The following CACNA1E variants were observed in gnomAD, a reference collection of about 807,000 sequenced individuals.
CACNA1E encodes calcium voltage-gated channel subunit alpha1 E.
CACNA1E carries 40 observed loss-of-function variants against 259.2 expected under a neutral mutation model. The ratio of observed to expected loss-of-function variants is 0.15; its 90% CI spans 0.12 to 0.20. CACNA1E has a LOEUF of 0.20. Ranked by LOEUF, CACNA1E falls within the 10% of genes least tolerant of loss-of-function variation. CACNA1E has a pLI of 1.00. For missense variants in CACNA1E, 1,874 were observed against 3,040.1 expected (o/e 0.62, Z 9.02); for synonymous variants, 1,104 against 1,138.5 (o/e 0.97, Z 0.61).
chr1:181,712,433 C>G (rs773782915), intron 8 of CACNA1E, among the ~76,000 whole-genome samples: 2 of 152,082 alleles, frequency 1.3e-5, no homozygotes, highest in African/African-American at 4.8e-5. Context: ...GTTGCTTGAG[C>G]CTTATTCTTC....
At chr1:181,470,041 C>T (rs1220243) in intron 2 of CACNA1E, among the ~76,000 whole-genome samples, 1 of 150,824 alleles carries the variant, frequency 6.6e-6, no homozygotes, top group Admixed American at 6.6e-5. Context: ...AAAAGATTTA[C>T]AGAGAGAGAG....
In CACNA1E at chr1:181,758,748, T is replaced by C. The variant is rs757530177; in HGVS notation, c.4495-10T>C. ...GTGATTCTTTCTCTCTTCTTTTTTC[T>C]TCCTGGCAGTATTATTCTGCTCCCT... is the stretch of plus-strand genomic sequence containing the variant. On this transcript the variant is annotated splice_polypyrimidine_tract_variant and intron_variant, in intron 31 of 47. Coordinates refer to ENST00000367573, the MANE Select transcript of CACNA1E (RefSeq NM_001205293.3). This position sits in a 1 kb window ranked among gnomAD's most constrained non-coding sequence, Gnocchi z 4.2. The C allele has an allele frequency of 7.6e-6, 11 of 1,445,586 alleles. No individual in the cohort carries two copies. In the Admixed American group the frequency reaches 1.4e-4, roughly 18 times the overall value. The allele number at this position is 1,445,586 out of a possible 1,614,324, so 89.5% of individuals were successfully genotyped here.
At position 181,510,478 on chromosome 1, in the gene CACNA1E, C is replaced by T; in HGVS notation, c.268C>T (p.Pro90Ser). 6.2e-7 allele frequency: 1 copy of T among 1,611,980 alleles called. No individual in the cohort carries two copies. The highest frequency in any genetic ancestry group is 2.2e-5 in the East Asian group (1 of 44,860). ...TGTTCCTTAACTCCGCTTTCCCACGCCATTTGAGTACATGATCCTGGCCAC... is the reference window on the plus strand; with the variant it reads ...TGTTCCTTAACTCCGCTTTCCCACGTCATTTGAGTACATGATCCTGGCCAC... ...KYAKKLIDWP[P>S]FEYMILATII... Residue 90 changes from proline (P) to serine (S), a missense_variant and splice_region_variant, in exon 2 of 48, where the codon CCA (proline) becomes TCA (serine). Around this residue, in one of 14 missense-constraint regions of CACNA1E, gnomAD observed 110 missense variants for 122.8 expected, o/e 0.90. Coordinates refer to ENST00000367573, the MANE Select transcript of CACNA1E (RefSeq NM_001205293.3).
intron 2 of CACNA1E, among the ~76,000 whole-genome samples, chr1:181,420,308 T>C (rs1447234994): frequency 6.6e-6 from 1 of 152,204 alleles, no homozygotes; most frequent in Non-Finnish European, 1.5e-5. Flanking sequence ...GCAGATTTTC[T>C]TGTACAGAAT....
chr1:181,326,528 C>G lies in CACNA1E; in HGVS notation c.-15+8405C>G, dbSNP rs893079588. ...GGTTAGCTCTGGCTGAGTTCCTCCT[C>G]CAGATGGGACTGAGTGACTGATCCT... On this transcript the variant is annotated intron_variant, in intron 1 of 11. Transcript: ENST00000524607. Among the ~76,000 whole-genome samples the G allele has an allele frequency of 2.0e-5, 3 of 152,140 alleles. No homozygotes were observed. The East Asian group carries it at 5.8e-4, about 29-fold the overall frequency.
At chr1:181,472,425 T>C (rs1662568839) in intron 2 of CACNA1E, among the ~76,000 whole-genome samples, 2 of 152,256 alleles carry the variant, frequency 1.3e-5, no homozygotes, top group African/African-American at 2.4e-5. Context: ...TGGATGTTAA[T>C]CTTCTTCACT....
intron 3 of CACNA1E, among the ~76,000 whole-genome samples, chr1:181,544,663 T>G (rs1381820718): frequency 6.6e-6 from 1 of 152,158 alleles, no homozygotes; most frequent in Non-Finnish European, 1.5e-5. Flanking sequence ...CTTCTCCCCC[T>G]CCTTCATTCC....
chr1:181,558,151 A>C (rs1209981090), intron 3 of CACNA1E, among the ~76,000 whole-genome samples: 1 of 152,196 alleles, frequency 6.6e-6, no homozygotes, highest in Non-Finnish European at 1.5e-5. Context: ...TTGAAGCTAC[A>C]CTAAGAGAGG....
chr1:181,545,325 C>T (rs1647328111), intron 3 of CACNA1E, among the ~76,000 whole-genome samples: 1 of 152,158 alleles, frequency 6.6e-6, no homozygotes, highest in Admixed American at 6.5e-5. Flanking sequence ...TATCTTTTGC[C>T]TTATTTTTTG....
intron 7 of CACNA1E, among the ~76,000 whole-genome samples, chr1:181,693,942 C>T (rs886634842): frequency 8.5e-5 from 13 of 152,096 alleles, no homozygotes; most frequent in African/African-American, 1.7e-4. Context: ...TTCTACCAAA[C>T]GTTAAGGAAG....
intron 2 of CACNA1E, among the ~76,000 whole-genome samples, chr1:181,461,540 C>CAA (rs10607931): frequency 6.2e-4 from 51 of 81,930 alleles, no homozygotes; most frequent in Middle Eastern, 5.9e-3. Flanking sequence ...GACTCCATCT[C>CAA]AAAAAAAAAA....
chr1:181,344,802 T>A (rs568877899), intron 1 of CACNA1E, among the ~76,000 whole-genome samples: 1 of 152,346 alleles, frequency 6.6e-6, no homozygotes, highest in Non-Finnish European at 1.5e-5. Context: ...GCCATCGGCC[T>A]GGGAACCTGA....
rs527582115 is a variant in CACNA1E, at chr1:181,721,423, C to G, written c.1957-335C>G. 9.2e-5 allele frequency among the ~76,000 whole-genome samples: 14 copies of G among 152,230 alleles called. No individual in the cohort carries two copies. The South Asian group carries it at 2.9e-3, about 32-fold the overall frequency. The stretch of plus-strand genomic sequence containing the variant: ...TTCCAGACCCTGTATCTGGGCAGCT[C>G]TGAGGACAGTTAGGTAATGACCAGA... On this transcript the variant is annotated intron_variant, in intron 15 of 47. Coordinates refer to ENST00000367573, the MANE Select transcript of CACNA1E (RefSeq NM_001205293.3).
rs889730520 is a variant in CACNA1E, at chr1:181,807,175, T to A, written c.*8341T>A. 2 of 148,894 alleles carry A rather than the reference T, an allele frequency of 1.3e-5. No homozygotes were observed. Among genetic ancestry groups the A allele is most frequent in the African/African-American group, 4.9e-5 (2 of 40,848 alleles). The allele number at this position is 148,894 out of a possible 1,614,324, so 9.2% of individuals were successfully genotyped here. Reference sequence around the variant, plus strand: ...AAAATGTTCTCTGCCTTGGATAACATTTTTTTTTAAAGATTCCATACAAAC... The same window carrying A: ...AAAATGTTCTCTGCCTTGGATAACAATTTTTTTTAAAGATTCCATACAAAC... On this transcript the variant is annotated 3_prime_UTR_variant, in exon 48 of 48. Transcript: ENST00000367573.
intron 3 of CACNA1E, among the ~76,000 whole-genome samples, chr1:181,547,341 T>A (rs1180537482): frequency 6.6e-6 from 1 of 152,226 alleles, no homozygotes; most frequent in Non-Finnish European, 1.5e-5. Flanking sequence ...CCTGTCGCTT[T>A]GGATTTCTCA....
At chr1:181,414,006 T>C (rs1040863627) in intron 2 of CACNA1E, among the ~76,000 whole-genome samples, 1 of 152,236 alleles carries the variant, frequency 6.6e-6, no homozygotes, top group Non-Finnish European at 1.5e-5. Context: ...CTTGGATGAA[T>C]GATTACATTT....
At chr1:181,453,088 G>C (rs1233815131) in intron 2 of CACNA1E, among the ~76,000 whole-genome samples, 1 of 152,192 alleles carries the variant, frequency 6.6e-6, no homozygotes, top group Non-Finnish European at 1.5e-5. Flanking sequence ...CAAGTAGTTG[G>C]ATCTAATAAT....
intron 1 of CACNA1E, 38 bp downstream of exon 1, chr1:181,484,048 T>G: frequency 6.3e-7 from 1 of 1,593,032 alleles, no homozygotes; most frequent in Non-Finnish European, 8.6e-7. Flanking sequence ...CTCTCCCCCT[T>G]TGCATTTCTT....
intron 33 of CACNA1E, among the ~76,000 whole-genome samples, chr1:181,762,976 C>A (rs2102720460): frequency 6.6e-6 from 1 of 152,276 alleles, no homozygotes. Context: ...AGTATCTTTG[C>A]CCTCAAAGTT....
Sources: allele counts gnomAD v4.1 joint callset (sites outside exome capture counted in the v4.1 genomes callset), GRCh38; gene constraint gnomAD v4.1.1; regional missense constraint gnomAD v4.1.1; non-coding constraint Gnocchi (gnomAD v3.1); transcripts MANE v1.5; gene names NCBI Gene and HGNC (gene_info 2026-07-23, HGNC 2026-07-21).